Variants in WDPCP observed in about 807,000 individuals in gnomAD.
WDPCP encodes WD repeat containing planar cell polarity effector, also known as WD repeat-containing and planar cell polarity effector protein fritz homolog.
A neutral mutation model predicts 93.1 loss-of-function variants in WDPCP; 71 were observed. The observed-to-expected ratio is 0.76, with a 90% CI of 0.63 to 0.93. The LOEUF (loss-of-function observed/expected upper bound fraction) is 0.93. Ranked by LOEUF, WDPCP falls within the 40% of genes least tolerant of loss-of-function variation. The pLI, the probability that WDPCP is intolerant of heterozygous loss-of-function variation, is 0.00. For missense variants in WDPCP, 844 were observed against 887.4 expected (o/e 0.95, Z 0.62); for synonymous variants, 315 against 315.0 (o/e 1.00, Z 0.00).
intron 1 of WDPCP, among the ~76,000 whole-genome samples, chr2:63,555,430 C>T (rs1253694330): frequency 6.6e-6 from 1 of 152,176 alleles, no homozygotes; most frequent in Non-Finnish European, 1.5e-5. Context: ...TCTAGAGAAT[C>T]CAGGCGGTCC....
At chr2:63,399,450 G>A (rs1693981035) in intron 10 of WDPCP, among the ~76,000 whole-genome samples, 1 of 152,090 alleles carries the variant, frequency 6.6e-6, no homozygotes, top group South Asian at 2.1e-4. Flanking sequence ...GGAAGAGAAA[G>A]CTGTGCTTTT....
chr2:63,753,002 G>C (rs1669906766), intron 2 of WDPCP, among the ~76,000 whole-genome samples: 1 of 152,030 alleles, frequency 6.6e-6, no homozygotes, highest in Non-Finnish European at 1.5e-5. Flanking sequence ...CCAACTTTTA[G>C]ATTTCTTAAT....
chr2:63,628,418 A>T (rs1159067377), intron 3 of WDPCP, among the ~76,000 whole-genome samples: 1 of 152,190 alleles, frequency 6.6e-6, no homozygotes, highest in Admixed American at 6.5e-5. Context: ...GCTAATGAAC[A>T]TACCTTCTGA....
chr2:63,364,586 G>A (rs1026094388), intron 12 of WDPCP, among the ~76,000 whole-genome samples: 1 of 152,076 alleles, frequency 6.6e-6, no homozygotes, highest in African/African-American at 2.4e-5. Context: ...GCTATTATAT[G>A]TGGACCCAAA....
intron 13 of WDPCP, among the ~76,000 whole-genome samples, chr2:63,303,129 C>T (rs1685458095): frequency 6.6e-6 from 1 of 152,200 alleles, no homozygotes; most frequent in Non-Finnish European, 1.5e-5. Context: ...CTCAGAGTAA[C>T]TGGCTACCTC....
intron 6 of WDPCP, among the ~76,000 whole-genome samples, chr2:63,476,035 AT>A (rs1182234961): frequency 1.3e-5 from 2 of 151,946 alleles, no homozygotes; most frequent in Non-Finnish European, 2.9e-5. Context: ...TCAAAACTAA[AT>A]TTTTTACCTG....
chr2:63,827,854 A>G (rs1221648596), upstream of WDPCP: 2 of 152,234 alleles, frequency 1.3e-5, no homozygotes, highest in Non-Finnish European at 2.9e-5. Context: ...GGTCTTTTAT[A>G]GCCACAGAGT....
At chr2:63,226,628 T>C (rs1285385037) in intron 14 of WDPCP, among the ~76,000 whole-genome samples, 1 of 151,874 alleles carries the variant, frequency 6.6e-6, no homozygotes, top group East Asian at 1.9e-4. Flanking sequence ...CCTAGATTAT[T>C]AGCTTGGAAA....
upstream of WDPCP, among the ~76,000 whole-genome samples, chr2:63,592,393 A>G (rs955163841): frequency 3.9e-5 from 6 of 152,220 alleles, no homozygotes; most frequent in African/African-American, 1.4e-4. Flanking sequence ...CTCTGTCACC[A>G]AGGCTGAAGT....
rs568201626 is a variant in WDPCP, at chr2:63,781,850, T to C, written n.308+31772A>G. 2.0e-5 allele frequency among the ~76,000 whole-genome samples: 3 copies of C among 152,168 alleles called. No homozygotes were observed. In the East Asian group the frequency reaches 5.8e-4, roughly 29 times the overall value. On this transcript the variant is annotated intron_variant and non_coding_transcript_variant, in intron 2 of 4. Coordinates refer to the WDPCP transcript ENST00000467687. ...GTTAAGGAGCCCAGGACCCAGGAAC[T>C]CTCCCTCACCCAGCCACAGCTCTCT... is the stretch of plus-strand genomic sequence containing the variant.
intron 3 of WDPCP, among the ~76,000 whole-genome samples, chr2:63,627,133 A>G (rs1709818659): frequency 6.6e-6 from 1 of 152,228 alleles, no homozygotes; most frequent in Non-Finnish European, 1.5e-5. Flanking sequence ...CATTAATCTC[A>G]AATGCTATAA....
chr2:63,340,300 T>A (rs965280241), intron 12 of WDPCP, among the ~76,000 whole-genome samples: 2 of 152,298 alleles, frequency 1.3e-5, no homozygotes, highest in East Asian at 3.9e-4. Flanking sequence ...CCCAGCAGTA[T>A]GTGAAGGCTG....
At chr2:63,485,926 G>A (rs971572273) in intron 4 of WDPCP, among the ~76,000 whole-genome samples, 2 of 151,594 alleles carry the variant, frequency 1.3e-5, no homozygotes, top group African/African-American at 4.8e-5. Context: ...GATGTAGAAC[G>A]TATATGCAAA....
At chr2:63,749,046 TA>T (rs779954214) in intron 2 of WDPCP, among the ~76,000 whole-genome samples, 3 of 152,138 alleles carry the variant, frequency 2.0e-5, no homozygotes, top group Non-Finnish European at 2.9e-5. Flanking sequence ...CAACTATTTT[TA>T]CCTCCTGTAC....
In WDPCP at chr2:63,692,336, G is replaced by A. The variant is rs184454464; in HGVS notation, n.309-41498C>T. Among the ~76,000 whole-genome samples, 5 of 152,088 alleles carry A rather than the reference G, an allele frequency of 3.3e-5. No homozygotes were observed. The East Asian group carries it at 7.7e-4, about 23-fold the overall frequency. On this transcript the variant is annotated intron_variant and non_coding_transcript_variant, in intron 2 of 4. Coordinates refer to the WDPCP transcript ENST00000467687. ...GTGTGTGTATGAGAGAAACTGGAAT[G>A]GTAAAAATGAAAACATTTAACTTGT...
At chr2:63,165,704 T>C (rs1363087707) in intron 15 of WDPCP, among the ~76,000 whole-genome samples, 1 of 150,878 alleles carries the variant, frequency 6.6e-6, no homozygotes, top group Non-Finnish European at 1.5e-5. Flanking sequence ...ATGTTATCTA[T>C]TGTTTTCTAA....
chr2:63,573,610 T>G (rs1322202202), intron 1 of WDPCP, among the ~76,000 whole-genome samples: 4 of 152,150 alleles, frequency 2.6e-5, no homozygotes, highest in Non-Finnish European at 5.9e-5. Context: ...ATGATTGCGT[T>G]AACTGCACAA....
At chr2:63,468,796 T>G (rs900010979) in intron 6 of WDPCP, among the ~76,000 whole-genome samples, 1 of 152,150 alleles carries the variant, frequency 6.6e-6, no homozygotes, top group African/African-American at 2.4e-5. Context: ...TTTCCCTGCA[T>G]TGATTTCCCT....
chr2:63,651,011 C>G (rs978078648), intron 2 of WDPCP, among the ~76,000 whole-genome samples: 2 of 152,070 alleles, frequency 1.3e-5, no homozygotes, highest in Non-Finnish European at 2.9e-5. Flanking sequence ...AAATTTGTCT[C>G]CCTCGAATAC....
Sources: allele counts gnomAD v4.1 joint callset (sites outside exome capture counted in the v4.1 genomes callset), GRCh38; gene constraint gnomAD v4.1.1; transcripts MANE v1.5; gene names NCBI Gene and HGNC (gene_info 2026-07-23, HGNC 2026-07-21).